PPP2R2C: variants seen among roughly 807,000 people sequenced by gnomAD.
PPP2R2C encodes protein phosphatase 2, regulatory subunit B, gamma.
Under a neutral mutation model 45.3 loss-of-function variants are expected in PPP2R2C, and 10 were observed. The ratio of observed to expected loss-of-function variants is 0.22; its 90% CI spans 0.14 to 0.37. The LOEUF (loss-of-function observed/expected upper bound fraction) is 0.37. Ranked by LOEUF, PPP2R2C falls within the 10% of genes least tolerant of loss-of-function variation. The probability of loss-of-function intolerance (pLI) is 1.00; values close to 1 mark genes in which losing one functional copy is unlikely to be tolerated. For missense variants in PPP2R2C, 308 were observed against 619.7 expected (o/e 0.50, Z 5.34); for synonymous variants, 257 against 245.4 (o/e 1.05, Z -0.44).
intron 2 of PPP2R2C, among the ~76,000 whole-genome samples, chr4:6,481,692 G>A (rs1722353974): frequency 6.6e-6 from 1 of 152,048 alleles, no homozygotes; most frequent in South Asian, 2.1e-4. Context: ...TGAAAATCCT[G>A]TTGGGGCCCG....
chr4:6,468,640 C>A (rs760446653), intron 1 of PPP2R2C, among the ~76,000 whole-genome samples: 2 of 152,154 alleles, frequency 1.3e-5, no homozygotes, highest in Non-Finnish European at 1.5e-5. Flanking sequence ...GCCTGAACCA[C>A]CTCCCCTTGG....
chr4:6,360,103 G>C (rs767508242), intron 5 of PPP2R2C, among the ~76,000 whole-genome samples: 2 of 152,224 alleles, frequency 1.3e-5, no homozygotes, highest in Non-Finnish European at 2.9e-5. Context: ...GCACAGACCA[G>C]TCAAATAGTC....
At chr4:6,554,501 A>G (rs1442906123) in intron 1 of PPP2R2C, among the ~76,000 whole-genome samples, 6 of 152,222 alleles carry the variant, frequency 3.9e-5, no homozygotes, top group African/African-American at 1.4e-4. Context: ...TTGTTAAGGC[A>G]GCCTCAGTCT....
chr4:6,476,790 C>T (rs1373388038), upstream of PPP2R2C, among the ~76,000 whole-genome samples: 1 of 152,076 alleles, frequency 6.6e-6, no homozygotes, highest in African/African-American at 2.4e-5. Flanking sequence ...CTGAGAAGCA[C>T]TCATGTTATT....
chr4:6,349,454 C>T (rs1317938895), intron 5 of PPP2R2C: 9 of 984,338 alleles, frequency 9.1e-6, no homozygotes, highest in Admixed American at 6.1e-5. Context: ...CGTTGCAGAG[C>T]TCAATGAATG....
intron 1 of PPP2R2C, chr4:6,381,704 C>T (rs1715807951): frequency 4.5e-6 from 7 of 1,554,412 alleles, no homozygotes; most frequent in Non-Finnish European, 6.1e-6. Flanking sequence ...TGCCCTGACC[C>T]TCCCTGCACT....
chr4:6,481,312 C>T (rs748051927), intron 2 of PPP2R2C, among the ~76,000 whole-genome samples: 9 of 152,098 alleles, frequency 5.9e-5, no homozygotes, highest in Non-Finnish European at 1.0e-4. Flanking sequence ...GTATACTTAC[C>T]TCATTTACAG....
chr4:6,404,184 T>C (rs1341709446), intron 1 of PPP2R2C, among the ~76,000 whole-genome samples: 2 of 152,186 alleles, frequency 1.3e-5, no homozygotes, highest in Non-Finnish European at 2.9e-5. Flanking sequence ...AACAGGCTTC[T>C]GGGGAGCTCC....
chr4:6,423,743 G>T (rs1192267277), intron 1 of PPP2R2C, among the ~76,000 whole-genome samples: 1 of 152,188 alleles, frequency 6.6e-6, no homozygotes, highest in Non-Finnish European at 1.5e-5. Context: ...GGAGCTAGAG[G>T]GTAGGAACCA....
chr4:6,456,133 A>G (rs1354682877), intron 1 of PPP2R2C, among the ~76,000 whole-genome samples: 2 of 152,272 alleles, frequency 1.3e-5, no homozygotes, highest in African/African-American at 2.4e-5. Context: ...GTGAAGTATT[A>G]TGCAGCCAAT....
intron 2 of PPP2R2C, among the ~76,000 whole-genome samples, chr4:6,534,797 C>T (rs193205127): frequency 2.0e-5 from 3 of 152,306 alleles, no homozygotes; most frequent in East Asian, 3.9e-4. Context: ...CGCCCCCAGT[C>T]GGGGTCTAGT....
chr4:6,485,813 A>G (rs1722511111), intron 2 of PPP2R2C, among the ~76,000 whole-genome samples: 1 of 151,984 alleles, frequency 6.6e-6, no homozygotes, highest in South Asian at 2.1e-4. Context: ...AAAATCTTAG[A>G]TAACTTTTTA....
intron 1 of PPP2R2C, among the ~76,000 whole-genome samples, chr4:6,543,436 T>C (rs4419546): frequency 0.31 from 47,671 of 151,832 alleles, 7,813 homozygotes; most frequent in Middle Eastern, 0.44. Flanking sequence ...CAACAACAAA[T>C]ACCAGGCCAG....
In PPP2R2C at chr4:6,418,122, T is replaced by C. The variant is rs548331433; in HGVS notation, c.71-37028A>G. On this transcript the variant is annotated intron_variant, in intron 1 of 8. Coordinates refer to ENST00000382599, the MANE Select transcript of PPP2R2C (RefSeq NM_020416.4). Reference sequence around the variant, plus strand: ...GTGCTTCCTCATCTGTAAAATGGGGTGATCATAGCAACCTACAGACGGTGC... The same window carrying C: ...GTGCTTCCTCATCTGTAAAATGGGGCGATCATAGCAACCTACAGACGGTGC... 5.9e-5 allele frequency among the ~76,000 whole-genome samples: 9 copies of C among 152,170 alleles called. No individual in the cohort carries two copies. The South Asian group carries it at 1.7e-3, about 28-fold the overall frequency.
Position 6,472,276 on chromosome 4 carries a change from G to T in PPP2R2C, c.-47C>A, listed in dbSNP as rs1227612543. ...TGGGCATGCCCCGCCGCCACACACC[G>T]ATGCAATCCGCAGAGGTCGCGCCGG... On this transcript the variant is annotated 5_prime_UTR_variant, in exon 1 of 9. Transcript: ENST00000382599. 4.3e-6 allele frequency: 7 copies of T among 1,609,838 alleles called. No homozygotes were observed. The highest frequency in any genetic ancestry group is 4.2e-6 in the Non-Finnish European group (5 of 1,178,008).
intron 2 of PPP2R2C, among the ~76,000 whole-genome samples, chr4:6,534,308 C>A (rs973583105): frequency 6.6e-6 from 1 of 150,620 alleles, no homozygotes; most frequent in African/African-American, 2.4e-5. Context: ...CACCCCAACA[C>A]ATACACACAT....
chr4:6,402,587 G>A (rs1477876673), intron 1 of PPP2R2C, among the ~76,000 whole-genome samples: 2 of 152,224 alleles, frequency 1.3e-5, no homozygotes, highest in Non-Finnish European at 2.9e-5. Context: ...TAGGCCAGGA[G>A]TAGGTGGGAC....
chr4:6,451,258 G>A (rs1009317018), intron 1 of PPP2R2C, among the ~76,000 whole-genome samples: 9 of 152,092 alleles, frequency 5.9e-5, no homozygotes, highest in Admixed American at 1.3e-4. Flanking sequence ...GGCTGGATCC[G>A]CTGTGGACTG....
In PPP2R2C at chr4:6,345,748, CCT is replaced by C. The variant is rs369636950; in HGVS notation, c.790+2096_790+2097del. On this transcript the variant is annotated intron_variant, in intron 6 of 8. Transcript: ENST00000382599. The surrounding 1 kb of genome is among the most constrained non-coding windows in gnomAD (Gnocchi z 5.3). Reference sequence around the variant, plus strand: ...CTGCGGACTGAGACTATACATATGCCCTGTTTTCAGCCACCAAGTGTGTGGTC... The same window carrying C: ...CTGCGGACTGAGACTATACATATGCCGTTTTCAGCCACCAAGTGTGTGGTC... 2.2e-3 allele frequency among the ~76,000 whole-genome samples: 336 copies of C among 152,254 alleles called. 1 individual carries two copies. Among genetic ancestry groups the C allele is most frequent in the African/African-American group, 7.6e-3 (315 of 41,542 alleles).
Sources: allele counts gnomAD v4.1 joint callset (sites outside exome capture counted in the v4.1 genomes callset), GRCh38; gene constraint gnomAD v4.1.1; non-coding constraint Gnocchi (gnomAD v3.1); transcripts MANE v1.5; gene names NCBI Gene and HGNC (gene_info 2026-07-23, HGNC 2026-07-21).